MTCL1: variants seen among roughly 807,000 people sequenced by gnomAD.
MTCL1 encodes microtubule crosslinking factor 1, also known as microtubule cross-linking factor 1.
MTCL1 carries 79 observed loss-of-function variants against 141.4 expected under a neutral mutation model. That is an observed-to-expected ratio of 0.56 (90% CI 0.47 to 0.67). MTCL1 has a LOEUF of 0.67. Ranked by LOEUF, MTCL1 falls within the 30% of genes least tolerant of loss-of-function variation. MTCL1 has a pLI of 0.00. For synonymous variants in MTCL1, 914 were observed against 875.8 expected (o/e 1.04, Z -0.77); for missense variants, 2,177 against 2,113.9 (o/e 1.03, Z -0.59).
chr18:8,712,318 G>C (rs1013308404), intron 1 of MTCL1, among the ~76,000 whole-genome samples: 1 of 152,212 alleles, frequency 6.6e-6, no homozygotes, highest in East Asian at 1.9e-4. Context: ...AGGTTGCAGT[G>C]TCTCACTGCT....
chr18:8,818,220 C>T (rs2076724458), intron 12 of MTCL1, among the ~76,000 whole-genome samples: 1 of 152,230 alleles, frequency 6.6e-6, no homozygotes, highest in African/African-American at 2.4e-5. Context: ...GCCTGCAAAC[C>T]AGCAAGCCAC....
At chr18:8,791,914 C>T (rs924523832) in intron 7 of MTCL1, among the ~76,000 whole-genome samples, 6 of 152,166 alleles carry the variant, frequency 3.9e-5, no homozygotes, top group African/African-American at 1.4e-4. Flanking sequence ...GATTTTCTGT[C>T]TCCGTTCTTC....
rs757267925 is a variant in MTCL1, at chr18:8,786,101, G to A, written c.1887+10G>A. 7.3e-5 allele frequency: 112 copies of A among 1,534,082 alleles called. 1 individual carries two copies. The South Asian group carries it at 1.3e-3, about 18-fold the overall frequency. ...CTGCTTCAGCCTGGAGGTCAGCGTG[G>A]GCAAGCAATCCCCCCCCCCCGCCCT... On this transcript the variant is annotated intron_variant, in intron 7 of 16. Transcript: ENST00000359865.
chr18:8,719,681 A>C (rs2096155039), intron 3 of MTCL1, among the ~76,000 whole-genome samples: 1 of 151,972 alleles, frequency 6.6e-6, no homozygotes, highest in Non-Finnish European at 1.5e-5. Context: ...TCCCATCTTC[A>C]CCTCTCAAGT....
chr18:8,737,183 G>A lies in MTCL1; in HGVS notation c.357+16687G>A, dbSNP rs111593212. ...TGGACGGGACATTCACACACAGGAC[G>A]CTGGCATCACTCTTCACTTTCATCT... On this transcript the variant is annotated intron_variant, in intron 4 of 16. Transcript: ENST00000359865. 1.7e-3 allele frequency among the ~76,000 whole-genome samples: 266 copies of A among 152,276 alleles called. 1 individual carries two copies. The highest frequency in any genetic ancestry group is 3.4e-3 in the Middle Eastern group (1 of 294).
intron 14 of MTCL1, among the ~76,000 whole-genome samples, chr18:8,824,420 C>T (rs1598817997): frequency 6.6e-6 from 1 of 152,218 alleles, no homozygotes; most frequent in East Asian, 1.9e-4. Flanking sequence ...CTGTCTTGGC[C>T]TCCCAAAGTG....
intron 11 of MTCL1, among the ~76,000 whole-genome samples, chr18:8,808,001 G>A (rs1295602010): frequency 7.0e-6 from 1 of 143,182 alleles, no homozygotes; most frequent in African/African-American, 2.7e-5. Flanking sequence ...AAGACTTGAT[G>A]TGTCAAAAAA....
intron 4 of MTCL1, among the ~76,000 whole-genome samples, chr18:8,720,790 G>A (rs545512861): frequency 5.1e-4 from 78 of 152,264 alleles, no homozygotes; most frequent in African/African-American, 1.7e-3. Context: ...TGCAGAAAAC[G>A]CTTATTGGGC....
At chr18:8,718,373 T>C in intron 2 of MTCL1, 51 bp from the exon 2 acceptor site, 1 of 1,553,434 alleles carries the variant, frequency 6.4e-7, no homozygotes, top group Non-Finnish European at 8.9e-7. Flanking sequence ...AGACATGCCA[T>C]CCTTTTTTGA....
intron 9 of MTCL1, among the ~76,000 whole-genome samples, chr18:8,797,346 T>A (rs1568056960): frequency 6.6e-6 from 1 of 152,248 alleles, no homozygotes. Context: ...ATGTTCTTCC[T>A]GTTATGCCTC....
Position 8,731,610 on chromosome 18 carries a change from A to G in MTCL1, c.357+11114A>G, listed in dbSNP as rs138344451. Among the ~76,000 whole-genome samples, 53 of 152,348 alleles carry G rather than the reference A, an allele frequency of 3.5e-4. 2 individuals are homozygous for G. In the East Asian group the frequency reaches 9.1e-3, roughly 26 times the overall value. The stretch of plus-strand genomic sequence containing the variant: ...ATAATAATTAAAATATAGACAGCAC[A>G]TATTTCTGAATAATTTAGACTTTCA... On this transcript the variant is annotated intron_variant, in intron 4 of 16. Coordinates refer to ENST00000359865, the Ensembl canonical transcript of MTCL1.
chr18:8,793,146 C>T (rs1275630305), intron 8 of MTCL1, 26 bp downstream of exon 7: 2 of 1,610,984 alleles, frequency 1.2e-6, no homozygotes, highest in African/African-American at 1.3e-5. Context: ...GGACTCAGCA[C>T]AACCGCTTTG....
intron 8 of MTCL1, 58 bp downstream of exon 7, chr18:8,793,178 A>C: frequency 6.3e-7 from 1 of 1,599,720 alleles, no homozygotes. Flanking sequence ...GCCCCAAAGG[A>C]GAAATGCCAC....
At chr18:8,718,914 T>C (rs1424909558) in intron 3 of MTCL1, among the ~76,000 whole-genome samples, 1 of 150,902 alleles carries the variant, frequency 6.6e-6, no homozygotes, top group African/African-American at 2.5e-5. Flanking sequence ...GGTCTGACAA[T>C]TGGATAGAAA....
intron 7 of MTCL1, 54 bp downstream of exon 6, chr18:8,786,145 T>C: frequency 7.2e-7 from 1 of 1,380,580 alleles, no homozygotes; most frequent in Non-Finnish European, 9.7e-7. Flanking sequence ...TTTTTCTGTG[T>C]GGCTGGCTGT....
chr18:8,817,321 T>C (rs1361156235), intron 12 of MTCL1, among the ~76,000 whole-genome samples: 3 of 147,306 alleles, frequency 2.0e-5, no homozygotes, highest in Non-Finnish European at 3.0e-5. Flanking sequence ...AACTGTGTCA[T>C]CATCAGGGAG....
In MTCL1 at chr18:8,792,867, A is replaced by G. The variant is rs548188897; in HGVS notation, c.1888-131A>G. 1.5e-5 allele frequency: 19 copies of G among 1,287,708 alleles called. No homozygotes were observed. In the East Asian group the frequency reaches 4.6e-4, roughly 31 times the overall value. The allele number at this position is 1,287,708 out of a possible 1,614,324, so 79.8% of individuals were successfully genotyped here. On this transcript the variant is annotated intron_variant, in intron 7 of 16. Transcript: ENST00000359865. The stretch of plus-strand genomic sequence containing the variant: ...CCAGCGGAGCTGCCACAGTCACTCC[A>G]CTGCTGCAGTGCCCACACATGCTGT...
intron 4 of MTCL1, among the ~76,000 whole-genome samples, chr18:8,753,743 C>A (rs149573117): frequency 0.015 from 2,342 of 152,290 alleles, 38 homozygotes; most frequent in South Asian, 0.057. Context: ...TTTCTCACTG[C>A]AAACACGGTC....
Position 8,825,522 on chromosome 18 carries a change from G to A in MTCL1, c.4012G>A (p.Gly1338Ser), listed in dbSNP as rs762243128. 52 of 1,612,102 alleles carry A rather than the reference G, an allele frequency of 3.2e-5. No individual in the cohort carries two copies. Among genetic ancestry groups the A allele is most frequent in the Middle Eastern group, 1.6e-4 (1 of 6,074 alleles). The change falls in exon 15 of 17, where the codon GGT (glycine) becomes AGT (serine). Residue 1338 changes from glycine (G) to serine (S), a missense_variant. Transcript: ENST00000359865. ...GCAGACTGAAGCCCTGCGTGGCAGC[G>A]GTGTCACCAGCAGCCCCCACAAGTG...
Sources: allele counts gnomAD v4.1 joint callset (sites outside exome capture counted in the v4.1 genomes callset), GRCh38; gene constraint gnomAD v4.1.1; transcripts MANE v1.5; gene names NCBI Gene and HGNC (gene_info 2026-07-23, HGNC 2026-07-21).